Variants in THSD4 observed in about 807,000 individuals in gnomAD.
THSD4 encodes the protein thrombospondin type 1 domain containing 4, also known as thrombospondin type-1 domain-containing protein 4.
A neutral mutation model predicts 119.0 loss-of-function variants in THSD4; 69 were observed. The observed-to-expected ratio is 0.58, with a 90% CI of 0.48 to 0.71. The LOEUF (loss-of-function observed/expected upper bound fraction) is 0.71, where lower values mean the gene tolerates loss of function less well. THSD4 is among the 30% of genes least tolerant of loss of function. The pLI is 0.00. For synonymous variants in THSD4, 524 were observed against 540.4 expected (o/e 0.97, Z 0.42); for missense variants, 1,393 against 1,391.1 (o/e 1.00, Z -0.02).
At chr15:71,555,679 CTT>C (rs1567034727) in intron 7 of THSD4, among the ~76,000 whole-genome samples, 1 of 152,096 alleles carries the variant, frequency 6.6e-6, no homozygotes, top group Non-Finnish European at 1.5e-5. Context: ...TTAACACTCT[CTT>C]TTTCTTGTTT....
intron 6 of THSD4, among the ~76,000 whole-genome samples, chr15:71,333,298 T>C (rs1388040678): frequency 1.3e-5 from 2 of 151,974 alleles, no homozygotes; most frequent in Non-Finnish European, 2.9e-5. Context: ...AGAGCAGGCA[T>C]TTATGGGGGA....
chr15:71,629,812 C>T (rs1467845295), intron 7 of THSD4, among the ~76,000 whole-genome samples: 1 of 152,206 alleles, frequency 6.6e-6, no homozygotes, highest in Non-Finnish European at 1.5e-5. Context: ...CTTTTCTATA[C>T]TTTTTTCTCA....
intron 3 of THSD4, among the ~76,000 whole-genome samples, chr15:71,210,180 G>A (rs533738330): frequency 6.6e-6 from 1 of 152,156 alleles, no homozygotes; most frequent in Non-Finnish European, 1.5e-5. Flanking sequence ...ATCACAGGAG[G>A]TATCCTGGGT....
chr15:71,354,289 T>C (rs555808921), intron 6 of THSD4, among the ~76,000 whole-genome samples: 1 of 152,186 alleles, frequency 6.6e-6, no homozygotes, highest in South Asian at 2.1e-4. Flanking sequence ...CTTGTGTTTC[T>C]ATAAAGAAAA....
chr15:71,705,730 C>CT (rs1226723026), intron 8 of THSD4, among the ~76,000 whole-genome samples: 5 of 152,120 alleles, frequency 3.3e-5, no homozygotes, highest in Non-Finnish European at 7.3e-5. Flanking sequence ...CATTCAATGA[C>CT]TACATCATGG....
chr15:71,486,623 T>TG (rs112282632), intron 7 of THSD4, among the ~76,000 whole-genome samples: 14,717 of 137,476 alleles, frequency 0.11, 861 homozygotes, highest in Middle Eastern at 0.18. Flanking sequence ...TTTTTTTTTT[T>TG]TTTTTTTTTT....
intron 6 of THSD4, among the ~76,000 whole-genome samples, chr15:71,326,700 A>AAAATATATATAT (rs1555464320): frequency 1.5e-4 from 1 of 6,454 alleles, no homozygotes; most frequent in African/African-American, 3.4e-4. Context: ...AAAAAAAAAA[A>AAAATATATATAT]ATATATATAT....
At chr15:71,283,859 T>C (rs551679790) in intron 6 of THSD4, among the ~76,000 whole-genome samples, 7 of 152,258 alleles carry the variant, frequency 4.6e-5, no homozygotes, top group African/African-American at 1.7e-4. Context: ...GAAGATCTGC[T>C]CTGTTGAGAG....
chr15:71,284,845 A>T (rs2044696949), intron 6 of THSD4, among the ~76,000 whole-genome samples: 1 of 152,164 alleles, frequency 6.6e-6, no homozygotes, highest in Non-Finnish European at 1.5e-5. Flanking sequence ...AAACAATTCA[A>T]CAGTAAGTTT....
intron 6 of THSD4, among the ~76,000 whole-genome samples, chr15:71,395,176 C>T (rs557679438): frequency 5.9e-5 from 9 of 152,200 alleles, no homozygotes; most frequent in Middle Eastern, 3.4e-3. Context: ...GGTGAAGGAC[C>T]GGATGGCTGT....
chr15:71,475,210 T>G (rs1191781101), intron 7 of THSD4, among the ~76,000 whole-genome samples: 2 of 152,230 alleles, frequency 1.3e-5, no homozygotes, highest in African/African-American at 2.4e-5. Context: ...TGTCTCCTCT[T>G]GAAAGCCTGT....
intron 6 of THSD4, among the ~76,000 whole-genome samples, chr15:71,383,951 C>G (rs2046260476): frequency 6.6e-6 from 1 of 152,118 alleles, no homozygotes; most frequent in Non-Finnish European, 1.5e-5. Context: ...CTGAACTAAT[C>G]CCCTGTGGAT....
At chr15:71,739,770 G>C (rs1244485633) in intron 11 of THSD4, among the ~76,000 whole-genome samples, 2 of 150,908 alleles carry the variant, frequency 1.3e-5, no homozygotes, top group Non-Finnish European at 2.9e-5. Flanking sequence ...CTGGGGAACT[G>C]TGTGATGTCC....
intron 7 of THSD4, among the ~76,000 whole-genome samples, chr15:71,420,427 C>T (rs949974310): frequency 9.5e-6 from 1 of 104,942 alleles, no homozygotes; most frequent in Non-Finnish European, 2.1e-5. Context: ...ATCCATTCAG[C>T]CACTCTATGT....
At chr15:71,609,623 C>T (rs895248553) in intron 7 of THSD4, among the ~76,000 whole-genome samples, 8 of 152,036 alleles carry the variant, frequency 5.3e-5, no homozygotes, top group South Asian at 2.1e-4. Flanking sequence ...GAGGCCGAGG[C>T]GGGCAGATCA....
chr15:71,729,343 T>C (rs554585566), intron 9 of THSD4: 1 of 152,436 alleles, frequency 6.6e-6, no homozygotes, highest in Non-Finnish European at 1.5e-5. Context: ...AGGAAACCAC[T>C]AGAATTCAAT....
intron 6 of THSD4, among the ~76,000 whole-genome samples, chr15:71,324,944 C>T (rs1423098469): frequency 6.6e-6 from 1 of 152,114 alleles, no homozygotes; most frequent in Admixed American, 6.5e-5. Context: ...ATAAGTGTTC[C>T]CTTTTCACCA....
chr15:71,472,945 T>C (rs1185333464), intron 7 of THSD4, among the ~76,000 whole-genome samples: 2 of 152,166 alleles, frequency 1.3e-5, no homozygotes, highest in East Asian at 3.8e-4. Flanking sequence ...CAGGCAGACT[T>C]GTTGCAGATG....
At chr15:71,474,680 C>T (rs1448669041) in intron 7 of THSD4, among the ~76,000 whole-genome samples, 3 of 152,174 alleles carry the variant, frequency 2.0e-5, no homozygotes, top group African/African-American at 4.8e-5. Flanking sequence ...TGAATTGCAT[C>T]ATCAAATCTT....
Sources: gnomAD v4.1 joint callset for allele counts (sites outside exome capture counted in the v4.1 genomes callset) on GRCh38, gnomAD v4.1.1 for gene constraint, MANE v1.5 for transcripts, NCBI Gene and HGNC (gene_info 2026-07-23, HGNC 2026-07-21) for gene names.